The following CDK5 variants were observed in gnomAD, a reference collection of about 807,000 sequenced individuals.
CDK5 encodes cyclin-dependent kinase 5.
CDK5 carries 18 observed loss-of-function variants against 44.6 expected under a neutral mutation model. The ratio of observed to expected loss-of-function variants is 0.40; its 90% CI spans 0.28 to 0.60. CDK5 has a LOEUF of 0.60. CDK5 is among the 20% of genes least tolerant of loss of function. CDK5 has a pLI of 0.38. For missense variants in CDK5, 198 were observed against 368.1 expected (o/e 0.54, Z 3.78); for synonymous variants, 143 against 152.8 (o/e 0.94, Z 0.47).
rs570571657 is a variant in CDK5, at chr7:151,057,712, G to T, written c.37+100C>A. The T allele has an allele frequency of 2.5e-4, 331 of 1,299,924 alleles. 5 individuals carry two copies. The South Asian group carries it at 3.8e-3, about 15-fold the overall frequency. 80.5% of individuals were successfully genotyped at this position (1,299,924 alleles called of 1,614,324 possible). On this transcript the variant is annotated intron_variant, in intron 1 of 11. Coordinates refer to ENST00000485972, the MANE Select transcript of CDK5 (RefSeq NM_004935.4). This position sits in a 1 kb window ranked among gnomAD's most constrained non-coding sequence, Gnocchi z 5.2. ...AGGGCTGCAGCCGCTGCTGAGATCG[G>T]AGCCTGTAGGCATTGCTGACGGTAA...
chr7:151,055,260 A>G lies in CDK5; in HGVS notation c.580+17T>C. 1.9e-6 allele frequency: 3 copies of G among 1,607,138 alleles called. No homozygotes were observed. The highest frequency in any genetic ancestry group is 3.3e-5 in the Admixed American group (2 of 59,970). ...AAATGGGAAAGAAGGTGCCTCTGCAACACCCCAGCACATCACCTGCAAAGA... is the reference window on the plus strand; with the variant it reads ...AAATGGGAAAGAAGGTGCCTCTGCAGCACCCCAGCACATCACCTGCAAAGA... On this transcript the variant is annotated intron_variant, in intron 8 of 11. Transcript: ENST00000485972.
chr7:151,053,956 A>C lies in CDK5; in HGVS notation c.*53T>G. On this transcript the variant is annotated 3_prime_UTR_variant, in exon 12 of 12. Coordinates refer to ENST00000485972, the MANE Select transcript of CDK5 (RefSeq NM_004935.4). Reference sequence around the variant, plus strand: ...CACCCCCACTGTCTCACCCCTCTCAAGAGGGGGCTTAAATAGGCCAGGCCC... The same window carrying C: ...CACCCCCACTGTCTCACCCCTCTCACGAGGGGGCTTAAATAGGCCAGGCCC... 1.4e-6 allele frequency: 2 copies of C among 1,481,286 alleles called. No homozygotes were observed. The highest frequency in any genetic ancestry group is 1.8e-6 in the Non-Finnish European group (2 of 1,087,050). The allele number at this position is 1,481,286 out of a possible 1,614,324, so 91.8% of individuals were successfully genotyped here.
chr7:151,054,813 A>G lies in CDK5; in HGVS notation c.650+214T>C, dbSNP rs947948576. On this transcript the variant is annotated intron_variant, in intron 9 of 11. Transcript: ENST00000485972. The surrounding 1 kb of genome is among the most constrained non-coding windows in gnomAD (Gnocchi z 5.7). ...CCCTCTCGGCTTCACCCCTCAGGGC[A>G]CGCTGCCTGTCTCCAAGCCACACCT... Among the ~76,000 whole-genome samples the G allele has an allele frequency of 1.3e-5, 2 of 152,062 alleles. No homozygotes were observed. Among genetic ancestry groups the G allele is most frequent in the African/African-American group, 4.8e-5 (2 of 41,374 alleles).
chr7:151,056,647 A>T lies in CDK5; in HGVS notation c.256-11T>A, dbSNP rs554159803. On this transcript the variant is annotated splice_polypyrimidine_tract_variant and intron_variant, in intron 4 of 11. Transcript: ENST00000485972. The surrounding 1 kb of genome is among the most constrained non-coding windows in gnomAD (Gnocchi z 4.7). ...ATACTTCTTCAGGTCCTGAAAAGGG[A>T]TATGAGTGGGGGAATGGGACAGAGT... is the stretch of plus-strand genomic sequence containing the variant. 2 of 1,612,268 alleles carry T rather than the reference A, an allele frequency of 1.2e-6. No individual in the cohort carries two copies. The highest frequency in any genetic ancestry group is 2.2e-5 in the East Asian group (1 of 44,868).
rs1386869269 is a variant in CDK5 at position 151,054,636 on chromosome 7, TC to T, written c.651-172del. The stretch of plus-strand genomic sequence containing the variant: ...ACAGAAGCAGCCCCAGGCAGGTCAC[TC>T]GCATATCCAGCCACGTTTCCCATGA... On this transcript the variant is annotated intron_variant, in intron 9 of 11. Coordinates refer to ENST00000485972, the MANE Select transcript of CDK5 (RefSeq NM_004935.4). This position sits in a 1 kb window ranked among gnomAD's most constrained non-coding sequence, Gnocchi z 5.7. 6.6e-6 allele frequency among the ~76,000 whole-genome samples: 1 copy of T among 152,104 alleles called. No homozygotes were observed. The highest frequency in any genetic ancestry group is 1.5e-5 in the Non-Finnish European group (1 of 68,004).
Position 151,054,505 on chromosome 7 carries a change from G to A in CDK5, c.651-40C>T. On this transcript the variant is annotated intron_variant, in intron 9 of 11. Coordinates refer to ENST00000485972, the MANE Select transcript of CDK5 (RefSeq NM_004935.4). The surrounding 1 kb of genome is among the most constrained non-coding windows in gnomAD (Gnocchi z 5.7). ...AAGGATCACTTGGGAAAGGGCCACA[G>A]CTGCATCTTCAGGGGCAGGGTGAGG... The A allele has an allele frequency of 6.4e-7, 1 of 1,574,154 alleles. No homozygotes were observed. The highest frequency in any genetic ancestry group is 8.7e-7 in the Non-Finnish European group (1 of 1,152,262).
Position 151,056,078 on chromosome 7 carries a change from A to G in CDK5, c.313-230T>C. Reference sequence around the variant, plus strand: ...TCTGGTCCCCACCTTCCTGGACCATACAGCCTAATGGGCCTTGGCAGGTGG... The same window carrying G: ...TCTGGTCCCCACCTTCCTGGACCATGCAGCCTAATGGGCCTTGGCAGGTGG... On this transcript the variant is annotated intron_variant, in intron 5 of 11. Transcript: ENST00000485972. This position sits in a 1 kb window ranked among gnomAD's most constrained non-coding sequence, Gnocchi z 4.7. 1 of 575,136 alleles carries G rather than the reference A, an allele frequency of 1.7e-6. No homozygotes were observed. Among genetic ancestry groups the G allele is most frequent in the South Asian group, 2.2e-5 (1 of 45,546 alleles). 35.6% of individuals were successfully genotyped at this position (575,136 alleles called of 1,614,324 possible).
Position 151,057,193 on chromosome 7 carries a change from A to G in CDK5, c.38-33T>C. The G allele has an allele frequency of 1.3e-6, 2 of 1,521,656 alleles. No homozygotes were observed. The highest frequency in any genetic ancestry group is 1.8e-6 in the Non-Finnish European group (2 of 1,095,722). 94.3% of individuals were successfully genotyped at this position (1,521,656 alleles called of 1,614,324 possible). Reference sequence around the variant, plus strand: ...AAGGAGGTCAGGGGTCAGGGTGAGGATGCGGCACTCTTCCCTAAGCCAGGA... The same window carrying G: ...AAGGAGGTCAGGGGTCAGGGTGAGGGTGCGGCACTCTTCCCTAAGCCAGGA... On this transcript the variant is annotated intron_variant, in intron 1 of 11. Coordinates refer to ENST00000485972, the MANE Select transcript of CDK5 (RefSeq NM_004935.4). The surrounding 1 kb of genome is among the most constrained non-coding windows in gnomAD (Gnocchi z 5.2).
chr7:151,055,299 C>A lies in CDK5; in HGVS notation c.558G>T (p.Trp186Cys). Residue 186 changes from tryptophan (W) to cysteine (C), a missense_variant, in exon 8 of 12, where the codon TGG becomes TGT. Trp to Cys is a radical substitution (Grantham distance 215, BLOSUM62 -2). Transcript: ENST00000485972. ...AKLYSTSIDMWSAGCIFAELA... is the reference protein window; with the variant it reads ...AKLYSTSIDMCSAGCIFAELA... ...CACCTGCAAAGATGCAGCCGGCTGACCACATGTCGATGGACGTGGAGTACA... is the reference window on the plus strand; with the variant it reads ...CACCTGCAAAGATGCAGCCGGCTGAACACATGTCGATGGACGTGGAGTACA... The A allele has an allele frequency of 6.2e-7, 1 of 1,613,782 alleles. No homozygotes were observed. The highest frequency in any genetic ancestry group is 8.5e-7 in the Non-Finnish European group (1 of 1,179,696).
chr7:151,056,079 C>T lies in CDK5; in HGVS notation c.313-231G>A, dbSNP rs1369474826. On this transcript the variant is annotated intron_variant, in intron 5 of 11. Transcript: ENST00000485972. The surrounding 1 kb of genome is among the most constrained non-coding windows in gnomAD (Gnocchi z 4.7). ...CTGGTCCCCACCTTCCTGGACCATACAGCCTAATGGGCCTTGGCAGGTGGA... is the reference window on the plus strand; with the variant it reads ...CTGGTCCCCACCTTCCTGGACCATATAGCCTAATGGGCCTTGGCAGGTGGA... The T allele has an allele frequency of 7.0e-6, 4 of 574,498 alleles. No homozygotes were observed. Among genetic ancestry groups the T allele is most frequent in the South Asian group, 6.6e-5 (3 of 45,444 alleles). 35.6% of individuals were successfully genotyped at this position (574,498 alleles called of 1,614,324 possible). A position where few individuals can be genotyped will look rare whatever the true frequency, so the allele number is the denominator to read the frequency against.
chr7:151,053,936 C>G lies in CDK5; in HGVS notation c.*73G>C. The G allele has an allele frequency of 7.4e-7, 1 of 1,346,168 alleles. No individual in the cohort carries two copies. The highest frequency in any genetic ancestry group is 1.0e-6 in the Non-Finnish European group (1 of 972,468). The allele number at this position is 1,346,168 out of a possible 1,614,324, so 83.4% of individuals were successfully genotyped here. A position where few individuals can be genotyped will look rare whatever the true frequency, so the allele number is the denominator to read the frequency against. Reference sequence around the variant, plus strand: ...CTGGAGCACAGCGCACCAGGCACCCCCACTGTCTCACCCCTCTCAAGAGGG... The same window carrying G: ...CTGGAGCACAGCGCACCAGGCACCCGCACTGTCTCACCCCTCTCAAGAGGG... On this transcript the variant is annotated 3_prime_UTR_variant, in exon 12 of 12. Transcript: ENST00000485972.
At position 151,054,340 on chromosome 7, in the gene CDK5, G is replaced by A; in HGVS notation, c.712-48C>T. 2 of 1,611,526 alleles carry A rather than the reference G, an allele frequency of 1.2e-6. No individual in the cohort carries two copies. The highest frequency in any genetic ancestry group is 2.2e-5 in the East Asian group (1 of 44,856). ...AGACTAGAGGTAGGGGGAGGGGGAT[G>A]GAGGCGCTAGGAATGTGAAACGAGT... On this transcript the variant is annotated intron_variant, in intron 10 of 11. Coordinates refer to ENST00000485972, the MANE Select transcript of CDK5 (RefSeq NM_004935.4). This position sits in a 1 kb window ranked among gnomAD's most constrained non-coding sequence, Gnocchi z 5.7.
At position 151,057,597 on chromosome 7, in the gene CDK5, C is replaced by T. The variant is rs1796926227; in HGVS notation, c.37+215G>A. On this transcript the variant is annotated intron_variant, in intron 1 of 11. Coordinates refer to ENST00000485972, the MANE Select transcript of CDK5 (RefSeq NM_004935.4). This position sits in a 1 kb window ranked among gnomAD's most constrained non-coding sequence, Gnocchi z 5.2. Reference sequence around the variant, plus strand: ...TGTCGCGGTTGGGAGGTCGGGTCTACTGGGAACGCTAAGGTTGGAGTGAGA... The same window carrying T: ...TGTCGCGGTTGGGAGGTCGGGTCTATTGGGAACGCTAAGGTTGGAGTGAGA... The T allele has an allele frequency of 1.5e-6, 1 of 654,346 alleles. No individual in the cohort carries two copies. The highest frequency in any genetic ancestry group is 1.8e-5 in the African/African-American group (1 of 55,212). The allele number at this position is 654,346 out of a possible 1,614,324, so 40.5% of individuals were successfully genotyped here. A position where few individuals can be genotyped will look rare whatever the true frequency, so the allele number is the denominator to read the frequency against.
At position 151,056,418 on chromosome 7, in the gene CDK5, A is replaced by C; in HGVS notation, c.312+162T>G. On this transcript the variant is annotated intron_variant, in intron 5 of 11. Coordinates refer to ENST00000485972, the MANE Select transcript of CDK5 (RefSeq NM_004935.4). The surrounding 1 kb of genome is among the most constrained non-coding windows in gnomAD (Gnocchi z 4.7). ...CAAAGATGACCACGTGAAAATGCTC[A>C]CTAAGACTGGAGACCCCTGGAGGAC... 7.8e-6 allele frequency: 5 copies of C among 640,698 alleles called. No homozygotes were observed. In the South Asian group the frequency reaches 9.2e-5, roughly 12 times the overall value. The allele number at this position is 640,698 out of a possible 1,614,324, so 39.7% of individuals were successfully genotyped here. A position where few individuals can be genotyped will look rare whatever the true frequency, so the allele number is the denominator to read the frequency against.
In CDK5 at chr7:151,056,984, G is replaced by A; in HGVS notation, c.127-9C>T. The A allele has an allele frequency of 6.2e-7, 1 of 1,613,926 alleles. No individual in the cohort carries two copies. Among genetic ancestry groups the A allele is most frequent in the Non-Finnish European group, 8.5e-7 (1 of 1,179,886 alleles). On this transcript the variant is annotated splice_polypyrimidine_tract_variant and intron_variant, in intron 2 of 11. Coordinates refer to ENST00000485972, the MANE Select transcript of CDK5 (RefSeq NM_004935.4). This position sits in a 1 kb window ranked among gnomAD's most constrained non-coding sequence, Gnocchi z 4.7. ...GCGGAACTCGGCACACCCTGCATAT[G>A]TGAGGGGGCCGGTGGGCAGCAGTCA... is the stretch of plus-strand genomic sequence containing the variant.
In CDK5 at chr7:151,056,007, T is replaced by C. The variant is rs1796886102; in HGVS notation, c.313-159A>G. ...CATTCATTCGCCATCCAGGACCTGC[T>C]TTATACTGTGCTAGGCATTAGAGGG... On this transcript the variant is annotated intron_variant, in intron 5 of 11. Coordinates refer to ENST00000485972, the MANE Select transcript of CDK5 (RefSeq NM_004935.4). This position sits in a 1 kb window ranked among gnomAD's most constrained non-coding sequence, Gnocchi z 4.7. 6.3e-6 allele frequency: 4 copies of C among 639,680 alleles called. No individual in the cohort carries two copies. The Admixed American group carries it at 9.3e-5, about 15-fold the overall frequency. The allele number at this position is 639,680 out of a possible 1,614,324, so 39.6% of individuals were successfully genotyped here. A position where few individuals can be genotyped will look rare whatever the true frequency, so the allele number is the denominator to read the frequency against.
chr7:151,054,944 C>T lies in CDK5; in HGVS notation c.650+83G>A. 1.5e-6 allele frequency: 2 copies of T among 1,373,206 alleles called. No individual in the cohort carries two copies. The highest frequency in any genetic ancestry group is 1.2e-5 in the South Asian group (1 of 83,802). 85.1% of individuals were successfully genotyped at this position (1,373,206 alleles called of 1,614,324 possible). On this transcript the variant is annotated intron_variant, in intron 9 of 11. Coordinates refer to ENST00000485972, the MANE Select transcript of CDK5 (RefSeq NM_004935.4). This position sits in a 1 kb window ranked among gnomAD's most constrained non-coding sequence, Gnocchi z 5.7. ...CAGACCCCATCACCCTACCCCACAC[C>T]ATCACTGCCCTCACCCATTGTGCTC...
In CDK5 at chr7:151,056,038, A is replaced by C. The variant is rs1213178669; in HGVS notation, c.313-190T>G. The stretch of plus-strand genomic sequence containing the variant: ...CTGTGCTAGGCATTAGAGGGACCAA[A>C]GTAAAGAAGCTGGCTCTGGTCCCCA... On this transcript the variant is annotated intron_variant, in intron 5 of 11. Transcript: ENST00000485972. This position sits in a 1 kb window ranked among gnomAD's most constrained non-coding sequence, Gnocchi z 4.7. The C allele has an allele frequency of 6.8e-6, 4 of 590,364 alleles. No homozygotes were observed. The highest frequency in any genetic ancestry group is 1.2e-5 in the Non-Finnish European group (4 of 330,412). The allele number at this position is 590,364 out of a possible 1,614,324, so 36.6% of individuals were successfully genotyped here.
At chr7:151,055,703 C>G (rs770097615) in intron 6 of CDK5, 50 bp downstream of exon 6, 1 of 1,544,870 alleles carries the variant, frequency 6.5e-7, no homozygotes, top group Non-Finnish European at 8.9e-7. Flanking sequence ...CTGTGCTCCC[C>G]GTGCCCTGGC....
Sources: allele counts gnomAD v4.1 joint callset (sites outside exome capture counted in the v4.1 genomes callset), GRCh38; gene constraint gnomAD v4.1.1; non-coding constraint Gnocchi (gnomAD v3.1); transcripts MANE v1.5; gene names NCBI Gene and HGNC (gene_info 2026-07-23, HGNC 2026-07-21).